The following JAK2 variants were observed in gnomAD, a reference collection of about 807,000 sequenced individuals.
The protein encoded by JAK2 is Janus kinase 2.
A neutral mutation model predicts 139.3 loss-of-function variants in JAK2; 86 were observed. The ratio of observed to expected loss-of-function variants is 0.62; its 90% CI spans 0.52 to 0.74. The LOEUF (loss-of-function observed/expected upper bound fraction) is 0.74. Ranked by LOEUF, JAK2 falls within the 30% of genes least tolerant of loss-of-function variation. The pLI, the probability that JAK2 is intolerant of heterozygous loss-of-function variation, is 0.00. For synonymous variants in JAK2, 490 were observed against 437.7 expected (o/e 1.12, Z -1.49); for missense variants, 1,421 against 1,360.3 (o/e 1.04, Z -0.70).
In JAK2 at chr9:5,126,750, G is replaced by T; in HGVS notation, c.3358G>T (p.Ala1120Ser). ...TCAACGCCCCTCCTTTAGGGATCTA[G>T]CTCTTCGAGTGGATCAAATAAGGGA... ...VNQRPSFRDL[A>S]LRVDQIRDNM... The change falls in exon 25 of 25, where the codon GCT becomes TCT. Residue 1120 changes from alanine to serine, a missense_variant. Physicochemically the swap from Ala to Ser is moderately conservative, Grantham distance 99. Transcript: ENST00000381652. The T allele has an allele frequency of 6.2e-7, 1 of 1,610,812 alleles. No homozygotes were observed. The highest frequency in any genetic ancestry group is 8.5e-7 in the Non-Finnish European group (1 of 1,177,564).
intron 2 of JAK2, among the ~76,000 whole-genome samples, chr9:4,988,755 C>T (rs1820097791): frequency 6.6e-6 from 1 of 152,142 alleles, no homozygotes; most frequent in Non-Finnish European, 1.5e-5. Flanking sequence ...TGGTCTTCTG[C>T]TTCTACTTCT....
intron 2 of JAK2, among the ~76,000 whole-genome samples, chr9:5,013,807 G>A (rs1311978752): frequency 6.6e-6 from 1 of 152,114 alleles, no homozygotes; most frequent in Non-Finnish European, 1.5e-5. Flanking sequence ...TAGATGATGT[G>A]TAATTTACTA....
chr9:5,123,364 G>T (rs1020844235), intron 23 of JAK2, among the ~76,000 whole-genome samples: 1 of 151,902 alleles, frequency 6.6e-6, no homozygotes, highest in African/African-American at 2.4e-5. Context: ...CTACGTTCAT[G>T]TGTATACATT....
chr9:5,101,978 A>C lies in JAK2; in HGVS notation c.3059+11067A>C, dbSNP rs925616912. 2.6e-5 allele frequency among the ~76,000 whole-genome samples: 4 copies of C among 152,216 alleles called. No homozygotes were observed. The East Asian group carries it at 7.7e-4, about 29-fold the overall frequency. ...AGCAGAAAAGCTGAAAATTCTAAAA[A>C]CCAGAGGGCCTCTTCTCCTCCAAAG... On this transcript the variant is annotated intron_variant, in intron 22 of 24. Coordinates refer to ENST00000381652, the MANE Select transcript of JAK2 (RefSeq NM_004972.4).
intron 19 of JAK2, chr9:5,085,331 A>G: frequency 1.2e-6 from 1 of 850,342 alleles, no homozygotes; most frequent in Non-Finnish European, 2.0e-6. Flanking sequence ...ATTAGCTGAA[A>G]AGCTATTCCT....
intron 22 of JAK2, chr9:5,110,843 G>GT: frequency 2.1e-6 from 1 of 467,550 alleles, no homozygotes; most frequent in Non-Finnish European, 4.1e-6. Flanking sequence ...GGGGAAGGTG[G>GT]GGGGGACGCT....
intron 22 of JAK2, among the ~76,000 whole-genome samples, chr9:5,122,712 A>G (rs1277990119): frequency 1.3e-5 from 2 of 151,950 alleles, no homozygotes; most frequent in Non-Finnish European, 2.9e-5. Context: ...GGCACATACT[A>G]AAGTTACATA....
At chr9:5,006,368 T>C (rs1474264239) in intron 2 of JAK2, among the ~76,000 whole-genome samples, 2 of 152,200 alleles carry the variant, frequency 1.3e-5, no homozygotes, top group African/African-American at 4.8e-5. Context: ...TGAAGTTGCT[T>C]ATCAGCTTAA....
In JAK2 at chr9:5,059,190, C is replaced by T. The variant is rs150743496; in HGVS notation, c.1056+3402C>T. Among the ~76,000 whole-genome samples, 26 of 152,300 alleles carry T rather than the reference C, an allele frequency of 1.7e-4. 1 individual carries two copies. In the East Asian group the frequency reaches 5.0e-3, roughly 29 times the overall value. ...CCACCTCAAAAAACAGAATAGTTCTCTTACTCCTAGAAGGTTTCCACATGC... is the reference window on the plus strand; with the variant it reads ...CCACCTCAAAAAACAGAATAGTTCTTTTACTCCTAGAAGGTTTCCACATGC... On this transcript the variant is annotated intron_variant, in intron 8 of 24. Coordinates refer to ENST00000381652, the MANE Select transcript of JAK2 (RefSeq NM_004972.4).
At chr9:5,086,030 G>A in intron 19 of JAK2, 1 of 782,382 alleles carries the variant, frequency 1.3e-6, no homozygotes. Context: ...CATTTGGACA[G>A]GCAGGTGTTA....
intron 19 of JAK2, among the ~76,000 whole-genome samples, chr9:5,082,440 G>A (rs1819770617): frequency 6.6e-6 from 1 of 152,182 alleles, no homozygotes; most frequent in Non-Finnish European, 1.5e-5. Context: ...AACATGTCTC[G>A]CCTCCCGCCA....
intron 2 of JAK2, among the ~76,000 whole-genome samples, chr9:5,006,083 G>A (rs1000332575): frequency 6.6e-6 from 1 of 152,192 alleles, no homozygotes; most frequent in East Asian, 1.9e-4. Flanking sequence ...ATGACCTTGG[G>A]CAGTATGGCC....
chr9:4,997,103 A>G (rs1282012004), intron 2 of JAK2, among the ~76,000 whole-genome samples: 3 of 148,568 alleles, frequency 2.0e-5, no homozygotes, highest in Non-Finnish European at 3.0e-5. Context: ...TAATTTTTAT[A>G]TTTTTTTTTG....
intron 22 of JAK2, chr9:5,111,437 C>T: frequency 2.5e-6 from 1 of 395,718 alleles, no homozygotes; most frequent in Non-Finnish European, 4.9e-6. Flanking sequence ...CGGGAAGGTC[C>T]CGCCTGGTCT....
intron 18 of JAK2, among the ~76,000 whole-genome samples, chr9:5,080,914 G>C (rs1223483171): frequency 3.2e-5 from 1 of 31,412 alleles, no homozygotes; most frequent in East Asian, 1.1e-3. Context: ...TTTTTTTTTT[G>C]AGATGGAGTC....
intron 2 of JAK2, among the ~76,000 whole-genome samples, chr9:5,009,002 T>G (rs1435387862): frequency 6.6e-6 from 1 of 152,248 alleles, no homozygotes; most frequent in Non-Finnish European, 1.5e-5. Flanking sequence ...TGAGTCGTAT[T>G]ATTCAACTCT....
At chr9:5,074,985 AG>A (rs1368762908) in intron 14 of JAK2, among the ~76,000 whole-genome samples, 1 of 152,218 alleles carries the variant, frequency 6.6e-6, no homozygotes, top group East Asian at 1.9e-4. Flanking sequence ...AAAGTGAAAC[AG>A]TCTTATTGAT....
chr9:5,004,283 C>T (rs939437529), intron 2 of JAK2, among the ~76,000 whole-genome samples: 2 of 152,158 alleles, frequency 1.3e-5, no homozygotes, highest in African/African-American at 2.4e-5. Context: ...TCTCCCATTC[C>T]TCCTAATGGG....
At chr9:5,090,670 A>G in intron 21 of JAK2, 69 bp from the exon 22 acceptor site, 1 of 1,523,858 alleles carries the variant, frequency 6.6e-7, no homozygotes, top group Admixed American at 2.2e-5. Flanking sequence ...AAGGGAATAT[A>G]TAGGGTTAAG....
Sources: allele counts gnomAD v4.1 joint callset (sites outside exome capture counted in the v4.1 genomes callset), GRCh38; gene constraint gnomAD v4.1.1; transcripts MANE v1.5; gene names NCBI Gene and HGNC (gene_info 2026-07-23, HGNC 2026-07-21).